The following TPR variants were observed in gnomAD, a reference collection of about 807,000 sequenced individuals.
TPR encodes nucleoprotein TPR.
In TPR, 51 loss-of-function variants were observed where a neutral mutation model predicts 316.1. The observed-to-expected ratio is 0.16, with a 90% CI of 0.13 to 0.20. The LOEUF is 0.20. Among genes scored for constraint, TPR ranks in the 10% least tolerant of loss-of-function variants. The probability of loss-of-function intolerance (pLI) is 1.00; values close to 1 mark genes in which losing one functional copy is unlikely to be tolerated. For synonymous variants in TPR, 981 were observed against 914.7 expected, an observed-to-expected ratio of 1.07 and a Z score of -1.31; for missense variants, 2,272 against 2,754.8, an observed-to-expected ratio of 0.82 and a Z score of 3.92.
At chr1:186,361,584 A>T (rs371370904) in intron 9 of TPR, 38 bp downstream of exon 9, 1 of 1,596,292 alleles carries the variant, frequency 6.3e-7, no homozygotes, top group South Asian at 1.1e-5. Context: ...AAAGAGTACA[A>T]TAACAAAAAT....
Position 186,327,436 on chromosome 1 carries a change from T to A in TPR, c.5889+24A>T, listed in dbSNP as rs369761099. 813 of 1,604,302 alleles carry A rather than the reference T, an allele frequency of 5.1e-4. 1 individual carries two copies. The highest frequency in any genetic ancestry group is 6.1e-4 in the Non-Finnish European group (722 of 1,178,290). On this transcript the variant is annotated intron_variant, in intron 40 of 50. Transcript: ENST00000367478. ...CTTTCATCCAATAGTTTAAAAACAC[T>A]AGATGATTTCAAATCAAACTTACCT...
chr1:186,371,105 T>TA, intron 2 of TPR, 62 bp from the exon 3 acceptor site: 4 of 1,233,808 alleles, frequency 3.2e-6, no homozygotes, highest in Non-Finnish European at 4.8e-6. Flanking sequence ...TGAGTGTTTT[T>TA]ATGCAACTGC....
At chr1:186,363,269 TA>T in intron 5 of TPR, 72 bp downstream of exon 5, 1 of 1,252,146 alleles carries the variant, frequency 8.0e-7, no homozygotes, top group South Asian at 1.3e-5. Flanking sequence ...TTATTGCCTA[TA>T]TTTGAAATTT....
rs1367774375 is a variant in TPR, at chr1:186,343,918, A to G, written c.3590T>C (p.Leu1197Ser). Residue 1197 changes from leucine to serine, a missense_variant, in exon 26 of 51, where the codon TTG (leucine) becomes TCG (serine). Physicochemically the swap from Leu to Ser is moderately radical, Grantham distance 145. This residue lies in a region of TPR where 757 missense variants were observed against 859.8 expected (regional missense o/e 0.88). Coordinates refer to ENST00000367478, the MANE Select transcript of TPR (RefSeq NM_003292.3). ...GAACATGATTTACCTGAGAATTTCCAAAATTTGTTCTTGAGATTTTCCTTC... is the reference window on the plus strand; with the variant it reads ...GAACATGATTTACCTGAGAATTTCCGAAATTTGTTCTTGAGATTTTCCTTC... ...SEEGKSQEQI[L>S]EILRFIRREK... The G allele has an allele frequency of 6.2e-7, 1 of 1,612,980 alleles. No homozygotes were observed. The highest frequency in any genetic ancestry group is 1.3e-5 in the African/African-American group (1 of 74,888).
At chr1:186,371,872 A>T (rs188372433) in intron 2 of TPR, among the ~76,000 whole-genome samples, 2 of 152,234 alleles carry the variant, frequency 1.3e-5, no homozygotes, top group East Asian at 3.9e-4. Context: ...ACGCGCGCAC[A>T]CATTAACTGT....
chr1:186,318,741 G>C lies in TPR; in HGVS notation c.6656C>G (p.Ala2219Gly). 3.7e-6 allele frequency: 6 copies of C among 1,614,140 alleles called. No individual in the cohort carries two copies. The highest frequency in any genetic ancestry group is 5.1e-6 in the Non-Finnish European group (6 of 1,180,028). ...CTGCCTTTGATCCCTACCTGGGGCTGCTACTTGTAGTGGAGTAGTGGGAAC... is the reference window on the plus strand; with the variant it reads ...CTGCCTTTGATCCCTACCTGGGGCTCCTACTTGTAGTGGAGTAGTGGGAAC... ...RSVPTTPLQV[A>G]APVTVFTEST... is the part of the protein sequence containing the mutation. The change falls in exon 47 of 51, where the codon GCA becomes GGA. Residue 2219 changes from alanine to glycine, a missense_variant. By Grantham distance (60) the Ala-to-Gly change is moderately conservative (BLOSUM62 0). This residue lies in a region of TPR where 88 missense variants were observed against 176.2 expected (regional missense o/e 0.50). Transcript: ENST00000367478.
At chr1:186,326,303 T>C in intron 40 of TPR, 68 bp from the exon 41 acceptor site, 1 of 1,535,592 alleles carries the variant, frequency 6.5e-7, no homozygotes, top group Non-Finnish European at 8.7e-7. Context: ...CATGTCTAGA[T>C]ACCACACTTA....
Position 186,362,323 on chromosome 1 carries a change from T to C in TPR, c.754A>G (p.Lys252Glu). The change falls in exon 7 of 51, where the codon AAG (lysine) becomes GAG (glutamate). Residue 252 changes from lysine (K) to glutamate (E), a missense_variant. Lys to Glu is a moderately conservative substitution (Grantham distance 56). Transcript: ENST00000367478. ...GLKTSNEHLQ[K>E]HVEDLLTKLK... The stretch of plus-strand genomic sequence containing the variant: ...TTGGTCAACAGATCCTCCACATGCT[T>C]TTGAAGATGTTCATTTGATGTTTTT... The C allele has an allele frequency of 6.2e-7, 1 of 1,612,508 alleles. No individual in the cohort carries two copies.
intron 21 of TPR, 53 bp from the exon 22 acceptor site, chr1:186,347,511 T>C (rs1571622306): frequency 1.9e-6 from 3 of 1,571,018 alleles, no homozygotes; most frequent in Non-Finnish European, 1.7e-6. Flanking sequence ...GTATTAGAGA[T>C]GACTGTTATA....
In TPR at chr1:186,363,009, A is replaced by C; in HGVS notation, c.532-8T>G. The C allele has an allele frequency of 6.3e-7, 1 of 1,590,928 alleles. No homozygotes were observed. Among genetic ancestry groups the C allele is most frequent in the Non-Finnish European group, 8.5e-7 (1 of 1,175,100 alleles). ...CAAGCGTTTTTCTCGATACTAAAGA[A>C]ATCCAAGAAAATAACACGTACAGTT... On this transcript the variant is annotated splice_polypyrimidine_tract_variant and splice_region_variant and intron_variant, in intron 5 of 50. Transcript: ENST00000367478.
chr1:186,318,783 T>A lies in TPR; in HGVS notation c.6614A>T (p.Glu2205Val), dbSNP rs865788519. 9 of 1,614,188 alleles carry A rather than the reference T, an allele frequency of 5.6e-6. No homozygotes were observed. The highest frequency in any genetic ancestry group is 1.3e-5 in the African/African-American group (1 of 75,030). ...ETPLFLAHEE[E>V]SGGRSVPTTP... ...AGTGGGAACACTTCGGCCACCTGACTCTTCTTCATGAGCTAGGAACAGGGG... is the reference window on the plus strand; with the variant it reads ...AGTGGGAACACTTCGGCCACCTGACACTTCTTCATGAGCTAGGAACAGGGG... Residue 2205 changes from glutamate to valine, a missense_variant, in exon 47 of 51, where the codon GAG becomes GTG. Coordinates refer to ENST00000367478, the MANE Select transcript of TPR (RefSeq NM_003292.3).
At chr1:186,314,500 A>G (rs1315737315) in intron 50 of TPR, 129 bp downstream of exon 50, 2 of 611,006 alleles carry the variant, frequency 3.3e-6, no homozygotes, top group African/African-American at 1.9e-5. Context: ...TCACCTGCTC[A>G]ACATGTAATT....
At chr1:186,336,783 T>G in intron 32 of TPR, 89 bp from the exon 33 acceptor site, 1 of 1,411,832 alleles carries the variant, frequency 7.1e-7, no homozygotes, top group Non-Finnish European at 9.5e-7. Flanking sequence ...AACTTATTAA[T>G]TTGCTTTTTA....
intron 10 of TPR, 58 bp downstream of exon 10, chr1:186,360,707 C>T: frequency 6.3e-7 from 1 of 1,598,738 alleles, no homozygotes. Context: ...AATTAAATGA[C>T]TTTTATGTAG....
At chr1:186,368,819 T>C (rs1190639864) in intron 3 of TPR, among the ~76,000 whole-genome samples, 1 of 152,220 alleles carries the variant, frequency 6.6e-6, no homozygotes, top group African/African-American at 2.4e-5. Context: ...AAACAATCAT[T>C]ACCAAGGCCA....
In TPR at chr1:186,359,964, C is replaced by G; in HGVS notation, c.1224G>C (p.Gln408His). 1 of 1,609,294 alleles carries G rather than the reference C, an allele frequency of 6.2e-7. No individual in the cohort carries two copies. The change falls in exon 12 of 51, where the codon CAG (glutamine) becomes CAC (histidine). Residue 408 changes from glutamine to histidine, a missense_variant. By Grantham distance (24) the Gln-to-His change is conservative. This residue lies in a region of TPR where 549 missense variants were observed against 598.6 expected (regional missense o/e 0.92). Transcript: ENST00000367478. The part of the protein sequence containing the change: ...LYNAYVETQD[Q>H]LLLEKLENKR... ...TGTTCTCTAGTTTCTCCAAAAGCAA[C>G]TGATCCTGAGTTTCCACATAAGCAT...
Position 186,317,515 on chromosome 1 carries a change from T to C in TPR, c.6907A>G (p.Thr2303Ala), listed in dbSNP as rs776412235. 1.2e-6 allele frequency: 2 copies of C among 1,614,086 alleles called. No homozygotes were observed. Among genetic ancestry groups the C allele is most frequent in the Non-Finnish European group, 1.7e-6 (2 of 1,180,002 alleles). The change falls in exon 49 of 51, where the codon ACC becomes GCC. Residue 2303 changes from threonine to alanine, a missense_variant. Physicochemically the swap from Thr to Ala is moderately conservative, Grantham distance 58. Around this residue, in one of 10 missense-constraint regions of TPR, gnomAD observed 123 missense variants for 142.3 expected, o/e 0.86. Coordinates refer to ENST00000367478, the MANE Select transcript of TPR (RefSeq NM_003292.3). ...QASDESDLPS[T>A]SQDPPSSSSV... is the part of the protein sequence containing the mutation. ...GAGCTAGAAGGAGGATCCTGGCTGG[T>C]GGAGGGGAGATCTGACTCATCAGAT...
intron 48 of TPR, among the ~76,000 whole-genome samples, chr1:186,318,174 C>T (rs952321509): frequency 2.6e-5 from 4 of 151,906 alleles, no homozygotes; most frequent in African/African-American, 9.7e-5. Flanking sequence ...AAAATGACTA[C>T]AAAAATTAGC....
chr1:186,372,678 G>A (rs1659571846), intron 2 of TPR, among the ~76,000 whole-genome samples: 1 of 152,234 alleles, frequency 6.6e-6, no homozygotes, highest in Non-Finnish European at 1.5e-5. Context: ...GATCTCGGAA[G>A]CTAAGCAGGG....
Sources: gnomAD v4.1 joint callset for allele counts (sites outside exome capture counted in the v4.1 genomes callset) on GRCh38, gnomAD v4.1.1 for gene constraint, gnomAD v4.1.1 regional missense constraint, MANE v1.5 for transcripts, NCBI Gene and HGNC (gene_info 2026-07-23, HGNC 2026-07-21) for gene names.